CYP7B1: variants seen among roughly 807,000 people sequenced by gnomAD.
CYP7B1 encodes cytochrome P450 family 7 subfamily B member 1.
Under a neutral mutation model 42.7 loss-of-function variants are expected in CYP7B1, and 29 were observed. The ratio of observed to expected loss-of-function variants is 0.68; its 90% CI spans 0.51 to 0.93. CYP7B1 has a LOEUF of 0.93. Ranked by LOEUF, CYP7B1 falls within the 40% of genes least tolerant of loss-of-function variation. CYP7B1 has a pLI of 0.00. For synonymous variants in CYP7B1, 235 were observed against 218.2 expected (o/e 1.08, Z -0.68); for missense variants, 655 against 600.5 (o/e 1.09, Z -0.95).
In CYP7B1 at chr8:64,660,398, G is replaced by T. The variant is rs917353148; in HGVS notation, c.123-35859C>A. On this transcript the variant is annotated intron_variant, in intron 1 of 5. Coordinates refer to ENST00000310193, the MANE Select transcript of CYP7B1 (RefSeq NM_004820.5). ...TGGCTTAGAGTGATTCTGTTTCAAGGTCTCACTGAATTGTATGAAATCAAG... is the reference window on the plus strand; with the variant it reads ...TGGCTTAGAGTGATTCTGTTTCAAGTTCTCACTGAATTGTATGAAATCAAG... Among the ~76,000 whole-genome samples the T allele has an allele frequency of 3.2e-4, 48 of 152,260 alleles. 1 individual carries two copies. Among genetic ancestry groups the T allele is most frequent in the Admixed American group, 3.1e-3 (47 of 15,290 alleles).
intron 1 of CYP7B1, among the ~76,000 whole-genome samples, chr8:64,786,657 G>A (rs148730960): frequency 6.6e-6 from 1 of 152,248 alleles, no homozygotes; most frequent in Non-Finnish European, 1.5e-5. Flanking sequence ...AGCTGTCAGT[G>A]GATCTACCAT....
chr8:64,769,127 G>C (rs750500276), intron 1 of CYP7B1, among the ~76,000 whole-genome samples: 1 of 152,254 alleles, frequency 6.6e-6, no homozygotes, highest in African/African-American at 2.4e-5. Flanking sequence ...AAACAATTGA[G>C]TAAAACCAAA....
chr8:64,694,555 T>TC (rs1375476447), intron 1 of CYP7B1, among the ~76,000 whole-genome samples: 2 of 152,224 alleles, frequency 1.3e-5, no homozygotes, highest in Non-Finnish European at 2.9e-5. Context: ...CCTGTGCTGG[T>TC]CCACAGTGAG....
Position 64,604,664 on chromosome 8 carries a change from G to A in CYP7B1, c.1233+18C>T, listed in dbSNP as rs758423873. On this transcript the variant is annotated intron_variant, in intron 5 of 5. Coordinates refer to ENST00000310193, the MANE Select transcript of CYP7B1 (RefSeq NM_004820.5). ...CAGGATCTAAGAAGTAGCAATCATAGGCTTGATGTTTACTTACCTCTGGAG... is the reference window on the plus strand; with the variant it reads ...CAGGATCTAAGAAGTAGCAATCATAAGCTTGATGTTTACTTACCTCTGGAG... The A allele has an allele frequency of 6.2e-7, 1 of 1,613,710 alleles. No homozygotes were observed. Among genetic ancestry groups the A allele is most frequent in the South Asian group, 1.1e-5 (1 of 91,076 alleles).
intron 1 of CYP7B1, among the ~76,000 whole-genome samples, chr8:64,634,925 C>A (rs890307563): frequency 2.6e-4 from 39 of 152,148 alleles, no homozygotes; most frequent in African/African-American, 9.2e-4. Flanking sequence ...GCAAATGAGG[C>A]AGGCAGAATC....
intron 1 of CYP7B1, among the ~76,000 whole-genome samples, chr8:64,760,732 T>C (rs1807876901): frequency 6.6e-6 from 1 of 152,052 alleles, no homozygotes; most frequent in African/African-American, 2.4e-5. Flanking sequence ...GAAGAGGGAA[T>C]TCTTGTACAC....
chr8:64,635,576 A>C (rs1805757707), intron 1 of CYP7B1, among the ~76,000 whole-genome samples: 1 of 152,208 alleles, frequency 6.6e-6, no homozygotes, highest in African/African-American at 2.4e-5. Flanking sequence ...TTTGACTTAA[A>C]ACTTGATTTA....
chr8:64,599,972 G>A (rs942162386), intron 5 of CYP7B1, among the ~76,000 whole-genome samples: 1 of 152,170 alleles, frequency 6.6e-6, no homozygotes, highest in Non-Finnish European at 1.5e-5. Context: ...ATTTATCTCT[G>A]CATGTTTAAA....
chr8:64,613,331 G>A (rs751573377), intron 4 of CYP7B1, among the ~76,000 whole-genome samples: 1 of 152,112 alleles, frequency 6.6e-6, no homozygotes, highest in Non-Finnish European at 1.5e-5. Flanking sequence ...AAATTTAAAT[G>A]TTTCTGCTTT....
At chr8:64,597,696 T>G (rs1244481151) in intron 5 of CYP7B1, among the ~76,000 whole-genome samples, 1 of 152,220 alleles carries the variant, frequency 6.6e-6, no homozygotes, top group Non-Finnish European at 1.5e-5. Flanking sequence ...CATCTTAATT[T>G]TGCCTTGCTG....
intron 4 of CYP7B1, among the ~76,000 whole-genome samples, chr8:64,613,728 G>C (rs1026598622): frequency 6.6e-6 from 1 of 152,096 alleles, no homozygotes; most frequent in East Asian, 1.9e-4. Context: ...AAATTTATTT[G>C]ATAACCTATG....
intron 1 of CYP7B1, among the ~76,000 whole-genome samples, chr8:64,770,212 A>C (rs1804198641): frequency 6.6e-6 from 1 of 152,220 alleles, no homozygotes; most frequent in Admixed American, 6.5e-5. Context: ...ACCGTGTGCC[A>C]TAAAACCAAA....
intron 1 of CYP7B1, among the ~76,000 whole-genome samples, chr8:64,652,717 G>A (rs976445880): frequency 4.6e-5 from 7 of 152,104 alleles, no homozygotes; most frequent in Non-Finnish European, 1.0e-4. Flanking sequence ...GGTGGCAGGC[G>A]CCTGTAGTCC....
intron 1 of CYP7B1, among the ~76,000 whole-genome samples, chr8:64,640,693 CTT>C (rs1805839633): frequency 6.6e-6 from 1 of 152,096 alleles, no homozygotes; most frequent in Admixed American, 6.6e-5. Context: ...TGTAAAATAA[CTT>C]GCCCAAAGTC....
intron 1 of CYP7B1, among the ~76,000 whole-genome samples, chr8:64,762,461 T>C (rs546404696): frequency 6.6e-6 from 1 of 152,286 alleles, no homozygotes; most frequent in South Asian, 2.1e-4. Context: ...GCAAGGAAAT[T>C]AAGACAATGA....
intron 1 of CYP7B1, among the ~76,000 whole-genome samples, chr8:64,649,143 T>G (rs1321676037): frequency 6.6e-6 from 1 of 152,164 alleles, no homozygotes; most frequent in Non-Finnish European, 1.5e-5. Flanking sequence ...TCGGTTCCCC[T>G]CCAGCTCTTT....
intron 1 of CYP7B1, among the ~76,000 whole-genome samples, chr8:64,672,600 G>A (rs529582277): frequency 6.6e-6 from 1 of 152,214 alleles, no homozygotes; most frequent in South Asian, 2.1e-4. Flanking sequence ...AAAATGTGGA[G>A]AAAAAGTTGG....
At chr8:64,794,961 C>T (rs1804681605) in intron 1 of CYP7B1, among the ~76,000 whole-genome samples, 1 of 151,812 alleles carries the variant, frequency 6.6e-6, no homozygotes, top group Admixed American at 6.6e-5. Context: ...TAAATACTGG[C>T]AAGGATGTGG....
At chr8:64,777,077 T>C (rs964310279) in intron 1 of CYP7B1, among the ~76,000 whole-genome samples, 1 of 151,832 alleles carries the variant, frequency 6.6e-6, no homozygotes, top group African/African-American at 2.4e-5. Context: ...CTTTTGTTAT[T>C]GGGATCTCAG....
Sources: gnomAD v4.1 joint callset for allele counts (sites outside exome capture counted in the v4.1 genomes callset) on GRCh38, gnomAD v4.1.1 for gene constraint, MANE v1.5 for transcripts, NCBI Gene and HGNC (gene_info 2026-07-23, HGNC 2026-07-21) for gene names.